The following TOX2 variants were observed in gnomAD, a reference collection of about 807,000 sequenced individuals.
TOX2 encodes TOX high mobility group box family member 2, also known as granulosa cell HMG box 1.
TOX2 carries 15 observed loss-of-function variants against 47.4 expected under a neutral mutation model. The ratio of observed to expected loss-of-function variants is 0.32; its 90% CI spans 0.21 to 0.49. The LOEUF (loss-of-function observed/expected upper bound fraction) is 0.49. Among genes scored for constraint, TOX2 ranks in the 20% least tolerant of loss-of-function variants. TOX2 has a pLI of 0.99. For synonymous variants in TOX2, 290 were observed against 296.6 expected, an observed-to-expected ratio of 0.98 and a Z score of 0.23; for missense variants, 622 against 673.1, an observed-to-expected ratio of 0.92 and a Z score of 0.84.
intron 3 of TOX2, among the ~76,000 whole-genome samples, chr20:44,014,055 G>A (rs530762070): frequency 6.6e-6 from 1 of 150,398 alleles, no homozygotes; most frequent in East Asian, 2.0e-4. Context: ...ACTTGGACCC[G>A]GGAAGCCAAG....
intron 3 of TOX2, among the ~76,000 whole-genome samples, chr20:44,017,075 C>T (rs2070892207): frequency 6.6e-6 from 1 of 152,220 alleles, no homozygotes. Context: ...TTGTGTCTTT[C>T]TCTGGCCCCA....
intron 1 of TOX2, among the ~76,000 whole-genome samples, chr20:43,929,824 C>G (rs1284415159): frequency 2.0e-5 from 3 of 152,176 alleles, no homozygotes; most frequent in East Asian, 1.9e-4. Flanking sequence ...ATTCTCCTAC[C>G]TCAGCCTCCC....
chr20:43,935,004 C>A (rs936300310), intron 1 of TOX2, among the ~76,000 whole-genome samples: 1 of 152,148 alleles, frequency 6.6e-6, no homozygotes, highest in Admixed American at 6.5e-5. Flanking sequence ...GTCCAGGAAT[C>A]TTAGTGACAG....
intron 3 of TOX2, among the ~76,000 whole-genome samples, chr20:44,010,490 G>A (rs563222375): frequency 5.3e-5 from 8 of 152,286 alleles, no homozygotes; most frequent in African/African-American, 1.7e-4. Flanking sequence ...GAGGGCACCC[G>A]GACCAACTGG....
chr20:43,929,117 C>A (rs181939769), intron 1 of TOX2, among the ~76,000 whole-genome samples: 137 of 152,140 alleles, frequency 9.0e-4, no homozygotes, highest in African/African-American at 3.0e-3. Flanking sequence ...TGAGATCATT[C>A]CACTGCACTC....
In TOX2 at chr20:43,958,709, A is replaced by G. The variant is rs529094924; in HGVS notation, c.100-14658A>G. Reference sequence around the variant, plus strand: ...TTCACCGTGCCCTTGGGCTTTTGACAGTAACTGGGCTAAATCTGGCTTCTT... The same window carrying G: ...TTCACCGTGCCCTTGGGCTTTTGACGGTAACTGGGCTAAATCTGGCTTCTT... On this transcript the variant is annotated intron_variant, in intron 1 of 8. Transcript: ENST00000341197. Among the ~76,000 whole-genome samples the G allele has an allele frequency of 1.2e-4, 18 of 152,330 alleles. No homozygotes were observed. In the South Asian group the frequency reaches 3.5e-3, roughly 30 times the overall value.
At chr20:43,991,189 G>A (rs531676897) in intron 2 of TOX2, among the ~76,000 whole-genome samples, 1 of 152,314 alleles carries the variant, frequency 6.6e-6, no homozygotes, top group Non-Finnish European at 1.5e-5. Context: ...AGATCTTCAT[G>A]AGAAGATGCT....
chr20:44,051,164 A>G (rs2071501935), intron 3 of TOX2, 142 bp from the exon 4 acceptor site: 1 of 1,285,116 alleles, frequency 7.8e-7, no homozygotes, highest in Non-Finnish European at 1.1e-6. Flanking sequence ...CTCCATCTTG[A>G]GATTCACCTG....
At chr20:43,944,554 C>G (rs1217516583) in intron 1 of TOX2, among the ~76,000 whole-genome samples, 2 of 116,756 alleles carry the variant, frequency 1.7e-5, no homozygotes, top group South Asian at 2.7e-4. Flanking sequence ...CCCCTTCCAG[C>G]CTCTCCCTCC....
At chr20:43,961,855 G>A (rs1055187586) in intron 1 of TOX2, among the ~76,000 whole-genome samples, 8 of 152,078 alleles carry the variant, frequency 5.3e-5, no homozygotes, top group South Asian at 2.1e-4. Flanking sequence ...CCTCAAAGTC[G>A]CGAGCCCAAT....
intron 3 of TOX2, among the ~76,000 whole-genome samples, chr20:44,012,501 T>C (rs74914228): frequency 0.012 from 1,815 of 152,312 alleles, 35 homozygotes; most frequent in African/African-American, 0.041. Context: ...CACCAAGCCC[T>C]GTGGGTCCCT....
chr20:44,020,331 G>A (rs1470062686), intron 3 of TOX2, among the ~76,000 whole-genome samples: 1 of 152,144 alleles, frequency 6.6e-6, no homozygotes, highest in Non-Finnish European at 1.5e-5. Context: ...GAGAGCATTA[G>A]GACAAATACC....
At chr20:43,941,323 C>CT (rs3037468) in intron 1 of TOX2, among the ~76,000 whole-genome samples, 2,639 of 135,938 alleles carry the variant, frequency 0.019, 82 homozygotes, top group African/African-American at 0.058. Flanking sequence ...GTTTTAAAGC[C>CT]TTTTTTTTTT....
chr20:44,043,066 A>T (rs1396368157), intron 3 of TOX2, among the ~76,000 whole-genome samples: 1 of 152,206 alleles, frequency 6.6e-6, no homozygotes, highest in East Asian at 1.9e-4. Context: ...CATTTGCAGC[A>T]TGTGAAGTTT....
intron 3 of TOX2, among the ~76,000 whole-genome samples, chr20:44,041,930 A>G (rs2071337163): frequency 1.3e-5 from 2 of 152,242 alleles, no homozygotes; most frequent in African/African-American, 4.8e-5. Context: ...AAACATTCAT[A>G]ATAAACTTCA....
At chr20:43,994,112 C>T (rs1165617898) in intron 2 of TOX2, among the ~76,000 whole-genome samples, 3 of 151,910 alleles carry the variant, frequency 2.0e-5, no homozygotes, top group African/African-American at 7.2e-5. Context: ...GATCATGCCA[C>T]TGTGCTCCAG....
At chr20:44,031,316 G>A (rs1057247063) in intron 3 of TOX2, among the ~76,000 whole-genome samples, 4 of 152,174 alleles carry the variant, frequency 2.6e-5, no homozygotes, top group African/African-American at 4.8e-5. Context: ...GTATGACTGA[G>A]CAGGACTCCT....
At chr20:44,033,660 G>A (rs1383631205) in intron 3 of TOX2, among the ~76,000 whole-genome samples, 3 of 151,554 alleles carry the variant, frequency 2.0e-5, no homozygotes, top group Non-Finnish European at 4.4e-5. Flanking sequence ...CACAAGCCAA[G>A]GCATGAGGAT....
chr20:43,921,892 C>T (rs1568998188), intron 1 of TOX2, among the ~76,000 whole-genome samples: 2 of 152,146 alleles, frequency 1.3e-5, no homozygotes, highest in African/African-American at 2.4e-5. Context: ...TTTCCTGAGC[C>T]TCTGGGTTGA....
Sources: allele counts gnomAD v4.1 joint callset (sites outside exome capture counted in the v4.1 genomes callset), GRCh38; gene constraint gnomAD v4.1.1; transcripts MANE v1.5; gene names NCBI Gene and HGNC (gene_info 2026-07-23, HGNC 2026-07-21).